The following CHRM3 variants were observed in gnomAD, a reference collection of about 807,000 sequenced individuals.
CHRM3 encodes cholinergic receptor muscarinic 3.
Under a neutral mutation model 41.8 loss-of-function variants are expected in CHRM3, and 11 were observed. The observed-to-expected ratio is 0.26, with a 90% CI of 0.17 to 0.44. The LOEUF is 0.44. Among genes scored for constraint, CHRM3 ranks in the 20% least tolerant of loss-of-function variants. The pLI is 1.00. For missense variants in CHRM3, 571 were observed against 745.4 expected (o/e 0.77, Z 2.72); for synonymous variants, 297 against 301.4 (o/e 0.99, Z 0.15).
At chr1:239,798,842 T>C (rs1364821234) in intron 5 of CHRM3, among the ~76,000 whole-genome samples, 2 of 152,174 alleles carry the variant, frequency 1.3e-5, no homozygotes, top group Non-Finnish European at 2.9e-5. Context: ...CTGTCAATCA[T>C]ATGCAAAGAC....
chr1:239,792,203 A>T (rs928134878), intron 5 of CHRM3, among the ~76,000 whole-genome samples: 1 of 152,104 alleles, frequency 6.6e-6, no homozygotes, highest in Non-Finnish European at 1.5e-5. Context: ...TGCCAGGATC[A>T]TGGAGGGAGA....
At chr1:239,888,001 T>C (rs1303948918) in intron 6 of CHRM3, among the ~76,000 whole-genome samples, 1 of 152,208 alleles carries the variant, frequency 6.6e-6, no homozygotes, top group African/African-American at 2.4e-5. Flanking sequence ...CATAGCCTTG[T>C]TGCATAGTTG....
chr1:239,833,457 A>G (rs1001347391), intron 6 of CHRM3, among the ~76,000 whole-genome samples: 3 of 152,096 alleles, frequency 2.0e-5, no homozygotes, highest in Non-Finnish European at 4.4e-5. Flanking sequence ...CAGAGGAGCA[A>G]CTTCCTGGGT....
chr1:239,796,769 T>C (rs569331900), intron 5 of CHRM3, among the ~76,000 whole-genome samples: 8 of 152,252 alleles, frequency 5.3e-5, no homozygotes, highest in African/African-American at 1.9e-4. Context: ...GGTGGTGAAG[T>C]CTGGGCTTTT....
rs559507342 is a variant in CHRM3 at position 239,907,360 on chromosome 1, C to T, written c.-19-73C>T. On this transcript the variant is annotated intron_variant, in intron 6 of 6. Coordinates refer to ENST00000676153, the MANE Select transcript of CHRM3 (RefSeq NM_001375978.1). This position sits in a 1 kb window ranked among gnomAD's most constrained non-coding sequence, Gnocchi z 5.4. ...GTAATAGGCCTTCCATGTCTTTTAACGTATGTAATGCAAAGAACAAACAAA... is the reference window on the plus strand; with the variant it reads ...GTAATAGGCCTTCCATGTCTTTTAATGTATGTAATGCAAAGAACAAACAAA... The T allele has an allele frequency of 8.4e-4, 966 of 1,146,432 alleles. 6 individuals are homozygous for T. Among genetic ancestry groups the T allele is most frequent in the Non-Finnish European group, 1.0e-3 (812 of 796,058 alleles). 71.0% of individuals were successfully genotyped at this position (1,146,432 alleles called of 1,614,324 possible).
chr1:239,680,382 A>G (rs1178015168), intron 5 of CHRM3, among the ~76,000 whole-genome samples: 1 of 152,136 alleles, frequency 6.6e-6, no homozygotes, highest in Non-Finnish European at 1.5e-5. Context: ...GAAGAAGACT[A>G]CAAAAGCTGT....
At chr1:239,579,331 T>C (rs1662656761) in intron 3 of CHRM3, among the ~76,000 whole-genome samples, 1 of 152,216 alleles carries the variant, frequency 6.6e-6, no homozygotes, top group Admixed American at 6.5e-5. Context: ...ATCACTGTGC[T>C]AATCTATTAC....
intron 1 of CHRM3, among the ~76,000 whole-genome samples, chr1:239,393,795 G>A (rs1469988850): frequency 6.6e-6 from 1 of 152,118 alleles, no homozygotes; most frequent in Non-Finnish European, 1.5e-5. Context: ...TGATGCTCAA[G>A]GATAACCCAG....
intron 1 of CHRM3, among the ~76,000 whole-genome samples, chr1:239,443,839 C>T (rs1477183259): frequency 6.6e-6 from 1 of 152,150 alleles, no homozygotes; most frequent in African/African-American, 2.4e-5. Context: ...AAACTTCACT[C>T]ATCAGAGAAA....
chr1:239,833,070 T>G, intron 6 of CHRM3, among the ~76,000 whole-genome samples: 1 of 152,222 alleles, frequency 6.6e-6, no homozygotes, highest in South Asian at 2.1e-4. Context: ...ATTGTGCAGA[T>G]TTCATAAGCT....
At chr1:239,396,551 C>G (rs1171416323) in intron 1 of CHRM3, among the ~76,000 whole-genome samples, 1 of 152,068 alleles carries the variant, frequency 6.6e-6, no homozygotes, top group Non-Finnish European at 1.5e-5. Context: ...TAGTTCAAAG[C>G]TGCAGTGAGC....
chr1:239,766,176 T>C (rs1216124438), intron 5 of CHRM3, among the ~76,000 whole-genome samples: 1 of 152,044 alleles, frequency 6.6e-6, no homozygotes, highest in Non-Finnish European at 1.5e-5. Context: ...AAAGAAGAAA[T>C]GGCATGTCTA....
At chr1:239,689,805 C>T (rs12406493) in intron 5 of CHRM3, among the ~76,000 whole-genome samples, 2 of 151,876 alleles carry the variant, frequency 1.3e-5, no homozygotes, top group Non-Finnish European at 2.9e-5. Context: ...GTAGATATTC[C>T]GTGTCCAGGG....
chr1:239,835,886 G>A (rs781529678), intron 6 of CHRM3, among the ~76,000 whole-genome samples: 14 of 152,244 alleles, frequency 9.2e-5, no homozygotes, highest in Admixed American at 6.5e-5. Context: ...CAAATTGAAT[G>A]GAAGTAGGCA....
chr1:239,833,907 C>T (rs1454104443), intron 6 of CHRM3, among the ~76,000 whole-genome samples: 1 of 152,122 alleles, frequency 6.6e-6, no homozygotes, highest in African/African-American at 2.4e-5. Flanking sequence ...CCTGCACTTC[C>T]TTCCTGCTCA....
intron 2 of CHRM3, among the ~76,000 whole-genome samples, chr1:239,530,628 AAGTAT>A (rs1298243039): frequency 6.6e-6 from 1 of 152,184 alleles, no homozygotes; most frequent in African/African-American, 2.4e-5. Flanking sequence ...TTGAAGAATA[AAGTAT>A]GTGCGTGATC....
At chr1:239,767,820 C>G (rs1667341940) in intron 5 of CHRM3, among the ~76,000 whole-genome samples, 1 of 152,104 alleles carries the variant, frequency 6.6e-6, no homozygotes, top group Non-Finnish European at 1.5e-5. Context: ...AAATCCTTTT[C>G]CATTACACCT....
At chr1:239,658,004 T>A (rs1467256309) in intron 4 of CHRM3, among the ~76,000 whole-genome samples, 1 of 152,204 alleles carries the variant, frequency 6.6e-6, no homozygotes, top group Admixed American at 6.5e-5. Context: ...TGGGGGACTA[T>A]TTTTAAGTGG....
intron 5 of CHRM3, among the ~76,000 whole-genome samples, chr1:239,825,819 A>T (rs998737757): frequency 6.6e-6 from 1 of 152,068 alleles, no homozygotes; most frequent in Non-Finnish European, 1.5e-5. Flanking sequence ...GGCTCAAGTG[A>T]TCCTCTTGCT....
Sources: gnomAD v4.1 joint callset for allele counts (sites outside exome capture counted in the v4.1 genomes callset) on GRCh38, gnomAD v4.1.1 for gene constraint, Gnocchi (gnomAD v3.1) non-coding constraint, MANE v1.5 for transcripts, NCBI Gene and HGNC (gene_info 2026-07-23, HGNC 2026-07-21) for gene names.